The following PCDHA9 variants were observed in gnomAD, a reference collection of about 807,000 sequenced individuals.
PCDHA9 encodes protocadherin alpha-9.
PCDHA9 carries 62 observed loss-of-function variants against 62.0 expected under a neutral mutation model. That is an observed-to-expected ratio of 1.00 (90% CI 0.81 to 1.23). The LOEUF (loss-of-function observed/expected upper bound fraction) is 1.23, where lower values mean the gene tolerates loss of function less well. PCDHA9 is among the 50% of genes most tolerant of loss of function. PCDHA9 has a pLI of 0.00. For missense variants in PCDHA9, 1,205 were observed against 1,249.8 expected (o/e 0.96, Z 0.54); for synonymous variants, 557 against 567.6 (o/e 0.98, Z 0.27).
intron 1 of PCDHA9, among the ~76,000 whole-genome samples, chr5:140,916,747 G>T (rs1445361224): frequency 2.6e-5 from 4 of 152,220 alleles, no homozygotes; most frequent in African/African-American, 9.6e-5. Context: ...TTCACTGCCT[G>T]GGATTAGGGG....
At chr5:140,916,363 T>C (rs2077541371) in intron 1 of PCDHA9, among the ~76,000 whole-genome samples, 2 of 152,124 alleles carry the variant, frequency 1.3e-5, no homozygotes, top group African/African-American at 4.8e-5. Context: ...GAAGGAGTCT[T>C]TCACTGTAGC....
At chr5:140,885,012 G>A (rs73793512) in intron 1 of PCDHA9, among the ~76,000 whole-genome samples, 2,131 of 152,234 alleles carry the variant, frequency 0.014, 45 homozygotes, top group African/African-American at 0.049. Flanking sequence ...GAGGCTAATC[G>A]TAATCTTAAA....
chr5:140,918,425 T>A (rs1402096329), intron 1 of PCDHA9, among the ~76,000 whole-genome samples: 1 of 152,200 alleles, frequency 6.6e-6, no homozygotes, highest in Non-Finnish European at 1.5e-5. Flanking sequence ...TCCAGTAGGA[T>A]GTTGAATAGG....
chr5:140,863,001 C>A, intron 1 of PCDHA9: 1 of 550,202 alleles, frequency 1.8e-6, no homozygotes, highest in South Asian at 1.4e-5. Context: ...ACGGTGGACT[C>A]CAGCTATGAC....
intron 3 of PCDHA9, among the ~76,000 whole-genome samples, chr5:140,989,765 C>T (rs2097359812): frequency 6.6e-6 from 1 of 152,166 alleles, no homozygotes; most frequent in South Asian, 2.1e-4. Context: ...ATATTCAGTT[C>T]AAGCACTGGC....
chr5:140,992,127 T>G (rs1237289084), intron 3 of PCDHA9, among the ~76,000 whole-genome samples: 1 of 151,584 alleles, frequency 6.6e-6, no homozygotes, highest in Non-Finnish European at 1.5e-5. Flanking sequence ...GGAAGAACAG[T>G]GACTGATGAT....
At chr5:140,871,205 T>C (rs1554165267) in intron 1 of PCDHA9, 3 of 1,613,774 alleles carry the variant, frequency 1.9e-6, no homozygotes, top group Admixed American at 3.3e-5. Flanking sequence ...TACCTGATCA[T>C]CGCCATCTGC....
intron 1 of PCDHA9, chr5:140,857,801 G>A: frequency 6.3e-7 from 1 of 1,597,726 alleles, no homozygotes; most frequent in Non-Finnish European, 8.6e-7. Flanking sequence ...GCGGTCGGTG[G>A]TTGCGGGTCA....
At chr5:140,876,555 G>A (rs782622293) in intron 1 of PCDHA9, 18 of 1,614,072 alleles carry the variant, frequency 1.1e-5, no homozygotes, top group Admixed American at 3.3e-5. Flanking sequence ...CTGTGCAAGA[G>A]GATGCTCAGG....
intron 1 of PCDHA9, among the ~76,000 whole-genome samples, chr5:140,937,353 T>C (rs2091494629): frequency 6.6e-6 from 1 of 152,146 alleles, no homozygotes; most frequent in Admixed American, 6.5e-5. Context: ...ATTTATTTTA[T>C]TATTTTATCT....
At chr5:140,857,216 C>T in intron 1 of PCDHA9, 1 of 1,598,490 alleles carries the variant, frequency 6.3e-7, no homozygotes, top group Non-Finnish European at 8.6e-7. Flanking sequence ...CTCTCTGACG[C>T]CTCACGTTCC....
At chr5:140,875,412 A>G in intron 1 of PCDHA9, 4 of 1,505,550 alleles carry the variant, frequency 2.7e-6, no homozygotes, top group Non-Finnish European at 3.5e-6. Context: ...CTCATAAAAT[A>G]CCTCAGGCAA....
chr5:140,950,107 A>G (rs1196740444), intron 1 of PCDHA9, among the ~76,000 whole-genome samples: 1 of 151,920 alleles, frequency 6.6e-6, no homozygotes, highest in Non-Finnish European at 1.5e-5. Context: ...ATTAAATCTC[A>G]TACAATACAA....
At chr5:140,953,932 C>T (rs1005245846) in intron 1 of PCDHA9, among the ~76,000 whole-genome samples, 1 of 152,060 alleles carries the variant, frequency 6.6e-6, no homozygotes, top group Admixed American at 6.6e-5. Flanking sequence ...CTGATGCTCT[C>T]CCTCCCATTG....
At chr5:140,967,944 A>G (rs782135204) in intron 1 of PCDHA9, 4 of 1,613,970 alleles carry the variant, frequency 2.5e-6, no homozygotes. Flanking sequence ...AATGACCAAG[A>G]CTCAGGCCCC....
At chr5:140,915,626 GTCTCTCTCTC>G (rs57920489) in intron 1 of PCDHA9, among the ~76,000 whole-genome samples, 5 of 146,436 alleles carry the variant, frequency 3.4e-5, no homozygotes, top group Admixed American at 2.0e-4. Context: ...GTCTCTTTCT[GTCTCTCTCTC>G]TCTCTCTCTC....
chr5:141,010,016 CT>C lies in PCDHA9; in HGVS notation c.*84del. 1 of 1,572,200 alleles carries C rather than the reference CT, an allele frequency of 6.4e-7. No homozygotes were observed. The highest frequency in any genetic ancestry group is 8.6e-7 in the Non-Finnish European group (1 of 1,163,240). On this transcript the variant is annotated 3_prime_UTR_variant, in exon 4 of 4. Transcript: ENST00000532602. Reference sequence around the variant, plus strand: ...TCTCCCATGTAGCAATTCCCTGCTCCTTTTTCCTATCTACATGAGCCCTCTT... The same window carrying C: ...TCTCCCATGTAGCAATTCCCTGCTCCTTTTCCTATCTACATGAGCCCTCTT...
chr5:140,985,887 C>A (rs765609645), intron 3 of PCDHA9, among the ~76,000 whole-genome samples: 2 of 151,840 alleles, frequency 1.3e-5, no homozygotes, highest in Non-Finnish European at 2.9e-5. Context: ...CTACAGGCGC[C>A]CGCCACCACT....
At chr5:140,998,056 C>T (rs1162882949) in intron 3 of PCDHA9, among the ~76,000 whole-genome samples, 1 of 152,160 alleles carries the variant, frequency 6.6e-6, no homozygotes, top group Non-Finnish European at 1.5e-5. Context: ...GTGACATCAT[C>T]ATCAACAGAC....
Sources: gnomAD v4.1 joint callset for allele counts (sites outside exome capture counted in the v4.1 genomes callset) on GRCh38, gnomAD v4.1.1 for gene constraint, MANE v1.5 for transcripts, NCBI Gene and HGNC (gene_info 2026-07-23, HGNC 2026-07-21) for gene names.